Variants in PSD3 observed in about 807,000 individuals in gnomAD.
PSD3 encodes PH and SEC7 domain-containing protein 3.
A neutral mutation model predicts 105.5 loss-of-function variants in PSD3; 49 were observed. The ratio of observed to expected loss-of-function variants is 0.46; its 90% CI spans 0.37 to 0.59. PSD3 has a LOEUF of 0.59. Among genes scored for constraint, PSD3 ranks in the 20% least tolerant of loss-of-function variants. The probability of loss-of-function intolerance (pLI) is 0.00; values close to 1 mark genes in which losing one functional copy is unlikely to be tolerated. For synonymous variants in PSD3, 557 were observed against 457.8 expected, an observed-to-expected ratio of 1.22 and a Z score of -2.77; for missense variants, 1,561 against 1,263.8, an observed-to-expected ratio of 1.24 and a Z score of -3.57.
chr8:18,944,668 C>A (rs1014302339), intron 1 of PSD3, among the ~76,000 whole-genome samples: 1 of 152,098 alleles, frequency 6.6e-6, no homozygotes, highest in Non-Finnish European at 1.5e-5. Flanking sequence ...AATTATTACG[C>A]TGTGGAAAGG....
intron 2 of PSD3, among the ~76,000 whole-genome samples, chr8:18,898,826 AGTT>A (rs1369862353): frequency 1.3e-5 from 2 of 152,194 alleles, no homozygotes; most frequent in African/African-American, 2.4e-5. Flanking sequence ...AGGAGAAAGG[AGTT>A]GTCCTCATCT....
intron 4 of PSD3, chr8:18,808,782 C>G (rs1287848002): frequency 6.2e-7 from 1 of 1,614,026 alleles, no homozygotes; most frequent in Non-Finnish European, 8.5e-7. Flanking sequence ...CCAAGAAGAG[C>G]CCATCGCAAC....
chr8:18,814,612 T>C (rs1414463261), intron 4 of PSD3, among the ~76,000 whole-genome samples: 2 of 152,236 alleles, frequency 1.3e-5, no homozygotes, highest in African/African-American at 4.8e-5. Flanking sequence ...TTCAAATGAA[T>C]AATTTGCAAA....
rs76852431 is a variant in PSD3 at position 18,822,168 on chromosome 8, C to T, written c.1635-17270G>A. ...TGTGAAACAGGCATTCCAACTTTTG[C>T]TAAGCTATTAGATTTACACAATAAG... On this transcript the variant is annotated intron_variant, in intron 4 of 15. Coordinates refer to ENST00000327040, the MANE Select transcript of PSD3 (RefSeq NM_015310.4). Among the ~76,000 whole-genome samples the T allele has an allele frequency of 2.9e-3, 447 of 152,276 alleles. 1 individual carries two copies. The highest frequency in any genetic ancestry group is 0.01 in the African/African-American group (422 of 41,550).
chr8:19,075,383 A>G (rs1829434330), intron 1 of PSD3, among the ~76,000 whole-genome samples: 1 of 152,262 alleles, frequency 6.6e-6, no homozygotes, highest in East Asian at 1.9e-4. Context: ...GATTACAGGC[A>G]TGAAGCACTG....
chr8:19,056,993 A>G (rs1563535250), intron 1 of PSD3, among the ~76,000 whole-genome samples: 1 of 152,118 alleles, frequency 6.6e-6, no homozygotes, highest in Non-Finnish European at 1.5e-5. Flanking sequence ...TCATCTTGCT[A>G]TCACCAAACC....
intron 1 of PSD3, among the ~76,000 whole-genome samples, chr8:19,004,829 T>C (rs1826576595): frequency 6.6e-6 from 1 of 152,052 alleles, no homozygotes; most frequent in Non-Finnish European, 1.5e-5. Context: ...AGAGATCTGA[T>C]GGCTTTAAAA....
intron 3 of PSD3, among the ~76,000 whole-genome samples, chr8:18,868,720 A>C (rs1319387377): frequency 6.6e-6 from 1 of 152,234 alleles, no homozygotes; most frequent in African/African-American, 2.4e-5. Context: ...TAGGGCATTC[A>C]CTTTGGCACA....
chr8:18,787,968 G>T (rs1416047140), intron 8 of PSD3, among the ~76,000 whole-genome samples: 1 of 152,172 alleles, frequency 6.6e-6, no homozygotes, highest in African/African-American at 2.4e-5. Flanking sequence ...TTTAGGCTTT[G>T]CAAGTCATAT....
At chr8:18,865,309 T>TA (rs1816844725) in intron 4 of PSD3, 1 of 120,776 alleles carries the variant, frequency 8.3e-6, no homozygotes, top group South Asian at 2.7e-4. Flanking sequence ...TTTTTTTTTT[T>TA]AAAGGCTATC....
At chr8:18,599,298 T>G (rs890668888) in intron 12 of PSD3, among the ~76,000 whole-genome samples, 2 of 152,182 alleles carry the variant, frequency 1.3e-5, no homozygotes, top group African/African-American at 4.8e-5. Context: ...GTACTGTTGT[T>G]CAGGTATAAA....
chr8:19,025,102 A>G (rs1827500922), intron 1 of PSD3, among the ~76,000 whole-genome samples: 1 of 152,194 alleles, frequency 6.6e-6, no homozygotes, highest in African/African-American at 2.4e-5. Context: ...CCTGAAAAGC[A>G]GGATGAGGGC....
chr8:18,865,247 TA>T lies in PSD3; in HGVS notation c.1634+2426del, dbSNP rs1563359828. On this transcript the variant is annotated intron_variant, in intron 4 of 15. Coordinates refer to ENST00000327040, the MANE Select transcript of PSD3 (RefSeq NM_015310.4). ...TGTTATATATATATATATATATATATATATATATATATATATATATATATAT... is the reference window on the plus strand; with the variant it reads ...TGTTATATATATATATATATATATATTATATATATATATATATATATATAT... The T allele has an allele frequency of 3.3e-3, 12 of 3,644 alleles. 2 individuals carry two copies. The highest frequency in any genetic ancestry group is 0.02 in the East Asian group (2 of 100). The allele number at this position is 3,644 out of a possible 1,614,324, so 0.2% of individuals were successfully genotyped here.
In PSD3 at chr8:18,949,244, A is replaced by AAATATAT. The variant is rs1345423514; in HGVS notation, c.22-13103_22-13102insATATATT. On this transcript the variant is annotated intron_variant, in intron 1 of 15. Transcript: ENST00000327040. ...CTCAAAAAAAAAAAAAAAAAAAAAA[A>AAATATAT]ATATATATATATATATATATATATA... Among the ~76,000 whole-genome samples the AAATATAT allele has an allele frequency of 2.3e-3, 33 of 14,410 alleles. 1 individual carries two copies. Among genetic ancestry groups the AAATATAT allele is most frequent in the Middle Eastern group, 0.1 (1 of 10 alleles). 9.5% of individuals were successfully genotyped at this position (14,410 alleles called of 152,430 possible). A position where few individuals can be genotyped will look rare whatever the true frequency, so the allele number is the denominator to read the frequency against.
intron 1 of PSD3, among the ~76,000 whole-genome samples, chr8:18,947,736 T>C (rs1211700097): frequency 6.6e-6 from 1 of 152,230 alleles, no homozygotes. Context: ...GGGAAGATTC[T>C]ATCCCCCTTC....
At chr8:18,610,075 T>G (rs1805142980) in intron 11 of PSD3, among the ~76,000 whole-genome samples, 1 of 152,220 alleles carries the variant, frequency 6.6e-6, no homozygotes, top group African/African-American at 2.4e-5. Flanking sequence ...TAAGGCAATT[T>G]ACACATTACA....
intron 9 of PSD3, among the ~76,000 whole-genome samples, chr8:18,760,981 T>C (rs759704139): frequency 6.6e-6 from 1 of 152,202 alleles, no homozygotes; most frequent in Non-Finnish European, 1.5e-5. Context: ...CAGGATAATC[T>C]TGGGATCTTA....
At chr8:18,916,349 T>TACACACACACACAC (rs1216820670) in intron 2 of PSD3, among the ~76,000 whole-genome samples, 2 of 44,734 alleles carry the variant, frequency 4.5e-5, no homozygotes, top group Admixed American at 6.2e-4. Flanking sequence ...TATATATATA[T>TACACACACACACAC]ACACACACAC....
At chr8:18,991,385 C>T (rs1262541678) in intron 1 of PSD3, among the ~76,000 whole-genome samples, 1 of 132,748 alleles carries the variant, frequency 7.5e-6, no homozygotes, top group Non-Finnish European at 1.7e-5. Flanking sequence ...CACACACACA[C>T]ACACACACAC....
Sources: gnomAD v4.1 joint callset for allele counts (sites outside exome capture counted in the v4.1 genomes callset) on GRCh38, gnomAD v4.1.1 for gene constraint, MANE v1.5 for transcripts, NCBI Gene and HGNC (gene_info 2026-07-23, HGNC 2026-07-21) for gene names.